Variants in CHCHD3 observed in about 807,000 individuals in gnomAD.
CHCHD3 encodes MICOS complex subunit MIC19.
Under a neutral mutation model 38.2 loss-of-function variants are expected in CHCHD3, and 20 were observed. That is an observed-to-expected ratio of 0.52 (90% confidence interval 0.37 to 0.76). The LOEUF is 0.76. CHCHD3 is among the 30% of genes least tolerant of loss of function. CHCHD3 has a pLI of 0.00. For missense variants in CHCHD3, 245 were observed against 279.2 expected, an observed-to-expected ratio of 0.88 and a Z score of 0.87; for synonymous variants, 82 against 100.0, an observed-to-expected ratio of 0.82 and a Z score of 1.07.
intron 2 of CHCHD3, among the ~76,000 whole-genome samples, chr7:133,067,614 TG>T (rs1447489780): frequency 6.6e-6 from 1 of 152,214 alleles, no homozygotes; most frequent in East Asian, 1.9e-4. Flanking sequence ...CCCGAGTGAC[TG>T]GAAGTGCAGT....
At chr7:133,042,663 T>C (rs1485004122) in intron 2 of CHCHD3, among the ~76,000 whole-genome samples, 2 of 152,224 alleles carry the variant, frequency 1.3e-5, no homozygotes, top group Non-Finnish European at 2.9e-5. Context: ...TCCATGTCCC[T>C]ACCCCAAGGC....
At chr7:132,809,282 T>C (rs957615584) in intron 6 of CHCHD3, among the ~76,000 whole-genome samples, 1 of 152,176 alleles carries the variant, frequency 6.6e-6, no homozygotes, top group Non-Finnish European at 1.5e-5. Context: ...AAGAAGTCAC[T>C]GAGATTGTTA....
chr7:132,911,038 C>T (rs554421158), intron 4 of CHCHD3, among the ~76,000 whole-genome samples: 6 of 152,220 alleles, frequency 3.9e-5, no homozygotes, highest in African/African-American at 1.4e-4. Context: ...GCAGCAGATG[C>T]AATAACAGAT....
At chr7:133,043,602 C>T (rs903340987) in intron 2 of CHCHD3, among the ~76,000 whole-genome samples, 4 of 150,844 alleles carry the variant, frequency 2.7e-5, no homozygotes, top group Non-Finnish European at 4.4e-5. Context: ...GCCGAGATAG[C>T]GCCACTGCAC....
intron 4 of CHCHD3, among the ~76,000 whole-genome samples, chr7:132,960,586 A>G (rs77493143): frequency 0.066 from 9,990 of 152,266 alleles, 832 homozygotes; most frequent in African/African-American, 0.2. Context: ...GCCACTGTCC[A>G]TATGCTTAAA....
intron 5 of CHCHD3, among the ~76,000 whole-genome samples, chr7:132,861,898 A>G (rs1016084893): frequency 1.3e-5 from 2 of 152,214 alleles, no homozygotes; most frequent in African/African-American, 2.4e-5. Context: ...TCAGGTGTCA[A>G]GGAATAGAAA....
intron 5 of CHCHD3, among the ~76,000 whole-genome samples, chr7:132,864,760 T>C (rs530663585): frequency 5.9e-5 from 9 of 152,294 alleles, no homozygotes; most frequent in African/African-American, 2.2e-4. Flanking sequence ...TGCCGAGATA[T>C]GTACCAATTT....
At chr7:133,037,892 T>C (rs1165979621) in intron 2 of CHCHD3, among the ~76,000 whole-genome samples, 1 of 152,198 alleles carries the variant, frequency 6.6e-6, no homozygotes, top group Non-Finnish European at 1.5e-5. Context: ...GAGAAATGGA[T>C]CATTTTCCTT....
chr7:132,921,409 C>T (rs1429957275), intron 4 of CHCHD3, among the ~76,000 whole-genome samples: 4 of 152,052 alleles, frequency 2.6e-5, no homozygotes, highest in African/African-American at 7.2e-5. Flanking sequence ...AGTACTGGGA[C>T]AAGTTTCAGT....
At chr7:133,071,782 G>C (rs1814824745) in intron 1 of CHCHD3, among the ~76,000 whole-genome samples, 1 of 152,160 alleles carries the variant, frequency 6.6e-6, no homozygotes, top group Non-Finnish European at 1.5e-5. Context: ...GAGCAGTGAA[G>C]TTATGACATG....
chr7:132,894,255 T>C (rs563996858), intron 4 of CHCHD3, among the ~76,000 whole-genome samples: 2 of 152,196 alleles, frequency 1.3e-5, no homozygotes, highest in South Asian at 2.1e-4. Context: ...TTGTAAACTA[T>C]ACATTTACTC....
At chr7:132,799,480 C>T (rs1328289490) in intron 6 of CHCHD3, among the ~76,000 whole-genome samples, 3 of 152,096 alleles carry the variant, frequency 2.0e-5, no homozygotes, top group Non-Finnish European at 4.4e-5. Flanking sequence ...TAATGAAAGG[C>T]AGACTTTCAA....
intron 3 of CHCHD3, among the ~76,000 whole-genome samples, chr7:133,014,123 T>C (rs967181859): frequency 8.5e-5 from 13 of 152,138 alleles, no homozygotes; most frequent in Admixed American, 2.0e-4. Flanking sequence ...CCCTGTAATT[T>C]ACGGATTTTT....
intron 1 of CHCHD3, among the ~76,000 whole-genome samples, chr7:133,074,513 C>T (rs1420496046): frequency 6.6e-6 from 1 of 152,108 alleles, no homozygotes; most frequent in African/African-American, 2.4e-5. Flanking sequence ...CCCCGTAAGA[C>T]TGACTCAATT....
At chr7:132,888,458 A>G (rs966440496) in intron 4 of CHCHD3, among the ~76,000 whole-genome samples, 3 of 151,886 alleles carry the variant, frequency 2.0e-5, no homozygotes, top group Non-Finnish European at 4.4e-5. Flanking sequence ...TTAAAAATGA[A>G]TATAAATTAA....
intron 2 of CHCHD3, among the ~76,000 whole-genome samples, chr7:133,055,160 T>C: frequency 6.6e-6 from 1 of 151,372 alleles, no homozygotes. Flanking sequence ...CCTCATCTCT[T>C]TAAAAAAACA....
chr7:132,930,856 CACTT>C, intron 4 of CHCHD3, among the ~76,000 whole-genome samples: 1 of 152,318 alleles, frequency 6.6e-6, no homozygotes, highest in East Asian at 1.9e-4. Context: ...GCAGCTCTGA[CACTT>C]ACTCTTCTAA....
chr7:132,797,521 A>G (rs1806650267), intron 6 of CHCHD3, among the ~76,000 whole-genome samples: 1 of 152,204 alleles, frequency 6.6e-6, no homozygotes, highest in African/African-American at 2.4e-5. Flanking sequence ...CATTTACTAG[A>G]ATGTAAATTC....
chr7:132,913,513 A>G (rs555558293), intron 4 of CHCHD3, among the ~76,000 whole-genome samples: 71 of 152,356 alleles, frequency 4.7e-4, no homozygotes, highest in Non-Finnish European at 8.7e-4. Context: ...TAAAGGTGGA[A>G]GCATAGGCAG....
Sources: gnomAD v4.1 joint callset for allele counts (sites outside exome capture counted in the v4.1 genomes callset) on GRCh38, gnomAD v4.1.1 for gene constraint, MANE v1.5 for transcripts, NCBI Gene and HGNC (gene_info 2026-07-23, HGNC 2026-07-21) for gene names.